Variants in BRAP observed in about 807,000 individuals in gnomAD.
The protein encoded by BRAP is BRCA1 associated protein.
In BRAP, 42 loss-of-function variants were observed where a neutral mutation model predicts 73.4. The observed-to-expected ratio is 0.57, with a 90% confidence interval of 0.45 to 0.74. BRAP has a LOEUF of 0.74. BRAP is among the 30% of genes least tolerant of loss of function. BRAP has a pLI of 0.00. For synonymous variants in BRAP, 255 were observed against 267.4 expected, an observed-to-expected ratio of 0.95 and a Z score of 0.45; for missense variants, 593 against 751.4, an observed-to-expected ratio of 0.79 and a Z score of 2.46.
chr12:111,685,574 G>A, intron 1 of BRAP, 137 bp downstream of exon 1: 1 of 1,371,318 alleles, frequency 7.3e-7, no homozygotes, highest in Non-Finnish European at 9.4e-7. Context: ...GGGAAAGAGA[G>A]GGATCCCGAT....
intron 7 of BRAP, among the ~76,000 whole-genome samples, chr12:111,659,725 C>T (rs1886672543): frequency 6.6e-6 from 1 of 151,918 alleles, no homozygotes; most frequent in African/African-American, 2.4e-5. Flanking sequence ...CACTAGAAGA[C>T]AGAATTGTTG....
At chr12:111,666,981 G>A (rs1220175666) in intron 5 of BRAP, among the ~76,000 whole-genome samples, 2 of 152,072 alleles carry the variant, frequency 1.3e-5, no homozygotes, top group Non-Finnish European at 2.9e-5. Context: ...CATCTCAGTT[G>A]TTTCTCTCTC....
intron 5 of BRAP, among the ~76,000 whole-genome samples, chr12:111,667,751 T>G (rs1177221326): frequency 8.8e-6 from 1 of 113,396 alleles, no homozygotes; most frequent in Non-Finnish European, 1.8e-5. Flanking sequence ...ATACAAAAAC[T>G]AACACCCTAC....
At chr12:111,655,487 G>T in intron 10 of BRAP, 79 bp downstream of exon 10, 2 of 1,171,570 alleles carry the variant, frequency 1.7e-6, no homozygotes, top group Non-Finnish European at 2.6e-6. Context: ...CTCTTTCCCT[G>T]TACTCTGCCT....
intron 5 of BRAP, among the ~76,000 whole-genome samples, chr12:111,666,944 A>C (rs3803171): frequency 0.078 from 11,922 of 152,218 alleles, 1,621 homozygotes; most frequent in East Asian, 0.62. Flanking sequence ...AGTTTGACAA[A>C]TTTATCGGTA....
chr12:111,681,813 T>C lies in BRAP; in HGVS notation c.267A>G (p.Glu89=), dbSNP rs747507755. The change falls in exon 3 of 12, where the codon GAA becomes GAG. Residue 89 remains glutamate (E), a synonymous_variant. Transcript: ENST00000419234. ...GGGAGGCTTCTGAAGACTTCCTTTC[T>C]TCCACTGTAGTTTTTAGTTCATCTT... is the stretch of plus-strand genomic sequence containing the variant. ...SNPDELKTTV[E]ERKSSEASPT... is the part of the protein sequence containing the mutation. 3 of 1,611,942 alleles carry C rather than the reference T, an allele frequency of 1.9e-6. No individual in the cohort carries two copies. Among genetic ancestry groups the C allele is most frequent in the Non-Finnish European group, 8.5e-7 (1 of 1,179,128 alleles).
At chr12:111,661,237 C>T (rs1886740921) in intron 6 of BRAP, among the ~76,000 whole-genome samples, 1 of 150,776 alleles carries the variant, frequency 6.6e-6, no homozygotes, top group South Asian at 2.1e-4. Flanking sequence ...CTTGGCCTCC[C>T]AAAGTGCTTG....
chr12:111,667,999 G>A (rs1282954481), intron 5 of BRAP, among the ~76,000 whole-genome samples: 1 of 152,144 alleles, frequency 6.6e-6, no homozygotes, highest in African/African-American at 2.4e-5. Context: ...ACGAGGTCAA[G>A]AGTTTGAGAC....
At chr12:111,650,610 G>T (rs1012230094) in intron 10 of BRAP, among the ~76,000 whole-genome samples, 1 of 152,042 alleles carries the variant, frequency 6.6e-6, no homozygotes, top group Non-Finnish European at 1.5e-5. Context: ...GGCCAGGCTG[G>T]TCTCAAACTC....
chr12:111,670,499 A>G (rs1887126312), intron 5 of BRAP: 1 of 222,628 alleles, frequency 4.5e-6, no homozygotes. Flanking sequence ...TTAATTTTTT[A>G]ATTTTGTTTT....
rs1355533002 is a variant in BRAP, at chr12:111,659,285, C to G, written c.1033G>C (p.Ala345Pro). ...IGCGRYVSRH[A>P]YKHFEETQHT... ...TGCGTTTCCTCAAAGTGCTTATAAG[C>G]ATGTCGACTGACATACCGTCCACAT... The change falls in exon 8 of 12, where the codon GCT becomes CCT. Residue 345 changes from alanine to proline, a missense_variant. This residue lies in a region of BRAP where 67 missense variants were observed against 158.0 expected (regional missense o/e 0.42). Transcript: ENST00000419234. 1 of 1,613,940 alleles carries G rather than the reference C, an allele frequency of 6.2e-7. No homozygotes were observed. The highest frequency in any genetic ancestry group is 1.7e-5 in the Admixed American group (1 of 59,992).
intron 8 of BRAP, 83 bp from the exon 9 acceptor site, chr12:111,658,928 T>G (rs1886637198): frequency 5.6e-6 from 6 of 1,075,772 alleles, no homozygotes; most frequent in Non-Finnish European, 8.1e-6. Flanking sequence ...AATTTTTTTT[T>G]CAGATCTAAT....
chr12:111,670,840 CTG>C (rs1232599047), intron 5 of BRAP, among the ~76,000 whole-genome samples: 1 of 152,034 alleles, frequency 6.6e-6, no homozygotes, highest in Non-Finnish European at 1.5e-5. Context: ...TGGCTCATGC[CTG>C]TAATCCTAAC....
intron 5 of BRAP, among the ~76,000 whole-genome samples, chr12:111,668,666 GT>G (rs1159212579): frequency 7.3e-6 from 1 of 137,396 alleles, no homozygotes; most frequent in African/African-American, 2.7e-5. Flanking sequence ...TTTTTAATTT[GT>G]TTTTTTTGAG....
At chr12:111,672,529 G>T in intron 5 of BRAP, 132 bp downstream of exon 5, 1 of 722,420 alleles carries the variant, frequency 1.4e-6, no homozygotes, top group Non-Finnish European at 2.2e-6. Context: ...GTCTCTTCCT[G>T]CCCTGATAAC....
chr12:111,674,495 G>T (rs1197909202), intron 4 of BRAP, among the ~76,000 whole-genome samples: 1 of 152,034 alleles, frequency 6.6e-6, no homozygotes, highest in Non-Finnish European at 1.5e-5. Flanking sequence ...CACCCACCTC[G>T]GTCTCCCAAA....
intron 5 of BRAP, among the ~76,000 whole-genome samples, chr12:111,666,641 G>A (rs572733731): frequency 1.3e-4 from 20 of 152,272 alleles, no homozygotes; most frequent in African/African-American, 4.6e-4. Context: ...GCCACAACAG[G>A]GTGTGAATTA....
intron 3 of BRAP, 45 bp from the exon 4 acceptor site, chr12:111,679,385 T>G (rs746308349): frequency 7.3e-7 from 1 of 1,363,650 alleles, no homozygotes; most frequent in Admixed American, 2.8e-5. Context: ...TGAGGTATGG[T>G]TAGTTTAAAC....
chr12:111,675,153 T>C (rs1887331632), intron 4 of BRAP, among the ~76,000 whole-genome samples: 2 of 151,940 alleles, frequency 1.3e-5, no homozygotes, highest in African/African-American at 4.8e-5. Context: ...CCCAGCTATT[T>C]GGGAGGCTGA....
Sources: allele counts gnomAD v4.1 joint callset (sites outside exome capture counted in the v4.1 genomes callset), GRCh38; gene constraint gnomAD v4.1.1; regional missense constraint gnomAD v4.1.1; transcripts MANE v1.5; gene names NCBI Gene and HGNC (gene_info 2026-07-23, HGNC 2026-07-21).